Variants in TLL1 observed in about 807,000 individuals in gnomAD.
TLL1 encodes the protein tolloid like 1.
TLL1 carries 49 observed loss-of-function variants against 128.2 expected under a neutral mutation model. The ratio of observed to expected loss-of-function variants is 0.38; its 90% confidence interval spans 0.30 to 0.48. TLL1 has a LOEUF of 0.48. Among genes scored for constraint, TLL1 ranks in the 20% least tolerant of loss-of-function variants. The pLI is 0.96. For missense variants in TLL1, 1,123 were observed against 1,242.0 expected (o/e 0.90, Z 1.44); for synonymous variants, 454 against 418.8 (o/e 1.08, Z -1.03).
intron 8 of TLL1, among the ~76,000 whole-genome samples, chr4:166,020,515 T>C (rs1579632921): frequency 6.6e-6 from 1 of 152,302 alleles, no homozygotes; most frequent in Middle Eastern, 3.4e-3. Flanking sequence ...ATTGATTTGT[T>C]CTCAGATTTT....
intron 8 of TLL1, among the ~76,000 whole-genome samples, chr4:166,015,916 T>C (rs1737919022): frequency 6.6e-6 from 1 of 151,896 alleles, no homozygotes; most frequent in Admixed American, 6.6e-5. Context: ...GACTATTAAG[T>C]TTTAAAAGGG....
intron 9 of TLL1, chr4:166,030,984 T>C (rs1418069810): frequency 1.0e-6 from 1 of 963,756 alleles, no homozygotes; most frequent in African/African-American, 1.8e-5. Context: ...ATTTTTAATG[T>C]ACGATTTTGC....
chr4:166,073,544 G>T (rs899957690), intron 16 of TLL1, among the ~76,000 whole-genome samples: 1 of 152,006 alleles, frequency 6.6e-6, no homozygotes, highest in African/African-American at 2.4e-5. Context: ...AAGAATAATG[G>T]AAGTGTCAAG....
In TLL1 at chr4:165,945,509, TAGTG is replaced by T. The variant is rs1337173051; in HGVS notation, c.170-43869_170-43866del. ...CAGTGTGATGTATATGACAACATCA[TAGTG>T]AGAGAGGGTAAGGGAGCTATGTACT... On this transcript the variant is annotated intron_variant, in intron 1 of 20. Transcript: ENST00000061240. Among the ~76,000 whole-genome samples, 8 of 152,178 alleles carry T rather than the reference TAGTG, an allele frequency of 5.3e-5. No homozygotes were observed. In the East Asian group the frequency reaches 1.2e-3, roughly 22 times the overall value.
chr4:165,877,766 C>G (rs1298865253), intron 1 of TLL1, among the ~76,000 whole-genome samples: 1 of 148,244 alleles, frequency 6.7e-6, no homozygotes, highest in Non-Finnish European at 1.5e-5. Context: ...CCCTTCTTTC[C>G]CTTCTTCTTT....
chr4:165,968,435 T>C (rs888638026), intron 1 of TLL1, among the ~76,000 whole-genome samples: 1 of 152,168 alleles, frequency 6.6e-6, no homozygotes, highest in African/African-American at 2.4e-5. Context: ...TCCTAATTTA[T>C]CAATTCTCTA....
intron 8 of TLL1, among the ~76,000 whole-genome samples, chr4:166,017,817 A>G (rs1391157974): frequency 1.3e-5 from 2 of 152,120 alleles, no homozygotes; most frequent in East Asian, 3.9e-4. Flanking sequence ...ATATAGTTGT[A>G]TGTTTAAGGT....
In TLL1 at chr4:166,014,555, G is replaced by T. The variant is rs778589705; in HGVS notation, c.1037G>T (p.Cys346Phe). ...DIAQARKLYR[C>F]PACGETLQES... ...GCACAGGCAAGAAAGCTGTATAGAT[G>T]TCCAGGTATTGCACTACACAAACAC... is the stretch of plus-strand genomic sequence containing the variant. Residue 346 changes from cysteine (C) to phenylalanine (F), a missense_variant, in exon 8 of 21, where the codon TGT becomes TTT. Cys to Phe is a radical substitution (Grantham distance 205). Around this residue, in one of 3 missense-constraint regions of TLL1, gnomAD observed 480 missense variants for 542.4 expected, o/e 0.89. Coordinates refer to ENST00000061240, the MANE Select transcript of TLL1 (RefSeq NM_012464.5). The T allele has an allele frequency of 6.2e-7, 1 of 1,611,658 alleles. No individual in the cohort carries two copies. Among genetic ancestry groups the T allele is most frequent in the Non-Finnish European group, 8.5e-7 (1 of 1,178,408 alleles).
intron 8 of TLL1, among the ~76,000 whole-genome samples, chr4:166,022,575 G>A (rs1738294625): frequency 6.6e-6 from 1 of 152,162 alleles, no homozygotes; most frequent in African/African-American, 2.4e-5. Context: ...TGTTCCTACA[G>A]AATATGGAGA....
chr4:166,102,698 C>T lies in TLL1; in HGVS notation c.*1822C>T, dbSNP rs147620840. ...AATTAAAGTATACACACAGATGTAG[C>T]TTATCTGTTTTTTTCTTAAATTGTT... On this transcript the variant is annotated 3_prime_UTR_variant, in exon 21 of 21. Transcript: ENST00000061240. The T allele has an allele frequency of 6.6e-6, 1 of 151,744 alleles. No homozygotes were observed. The highest frequency in any genetic ancestry group is 2.4e-5 in the African/African-American group (1 of 41,304). 9.4% of individuals were successfully genotyped at this position (151,744 alleles called of 1,614,324 possible).
chr4:166,079,531 A>G (rs1369024337), intron 18 of TLL1, among the ~76,000 whole-genome samples: 1 of 151,794 alleles, frequency 6.6e-6, no homozygotes, highest in Non-Finnish European at 1.5e-5. Flanking sequence ...TTAAGTCGTA[A>G]TTCTTTTTCC....
At chr4:165,964,912 G>A (rs1037258325) in intron 1 of TLL1, among the ~76,000 whole-genome samples, 4 of 152,126 alleles carry the variant, frequency 2.6e-5, no homozygotes, top group African/African-American at 9.7e-5. Context: ...ACTCCAGACT[G>A]AGTGACAGAG....
chr4:165,951,457 AC>A (rs1280585338), intron 1 of TLL1, among the ~76,000 whole-genome samples: 2 of 152,146 alleles, frequency 1.3e-5, no homozygotes, highest in African/African-American at 4.8e-5. Context: ...TGGCCCATGC[AC>A]AGCTAATGCC....
intron 1 of TLL1, among the ~76,000 whole-genome samples, chr4:165,953,354 C>T (rs1158588202): frequency 6.6e-6 from 1 of 151,998 alleles, no homozygotes; most frequent in East Asian, 1.9e-4. Context: ...CATGCTGCAG[C>T]TCCCCCATGC....
At chr4:165,939,048 A>G (rs1384725492) in intron 1 of TLL1, among the ~76,000 whole-genome samples, 1 of 150,890 alleles carries the variant, frequency 6.6e-6, no homozygotes, top group East Asian at 1.9e-4. Context: ...CAGCTATCTG[A>G]TGGTTCTTAA....
intron 8 of TLL1, among the ~76,000 whole-genome samples, chr4:166,018,408 G>T (rs1180071960): frequency 6.6e-6 from 1 of 152,042 alleles, no homozygotes; most frequent in African/African-American, 2.4e-5. Flanking sequence ...AATAATTTAT[G>T]ACTAAGTCCT....
chr4:165,887,472 T>C (rs1016770611), intron 1 of TLL1, among the ~76,000 whole-genome samples: 1 of 152,322 alleles, frequency 6.6e-6, no homozygotes, highest in Non-Finnish European at 1.5e-5. Flanking sequence ...CATGGCTTCA[T>C]ACTTTAGTGA....
intron 2 of TLL1, among the ~76,000 whole-genome samples, chr4:165,991,693 T>C (rs1482174122): frequency 6.6e-6 from 1 of 151,924 alleles, no homozygotes; most frequent in African/African-American, 2.4e-5. Context: ...TCTAGGTAAT[T>C]AGGTGCATCA....
chr4:165,884,904 A>G (rs969575587), intron 1 of TLL1, among the ~76,000 whole-genome samples: 14 of 152,100 alleles, frequency 9.2e-5, no homozygotes, highest in Admixed American at 6.6e-5. Context: ...TTTCTCCCAC[A>G]TTATTTGGTA....
Sources: allele counts gnomAD v4.1 joint callset (sites outside exome capture counted in the v4.1 genomes callset), GRCh38; gene constraint gnomAD v4.1.1; regional missense constraint gnomAD v4.1.1; transcripts MANE v1.5; gene names NCBI Gene and HGNC (gene_info 2026-07-23, HGNC 2026-07-21).